The following ARHGAP12 variants were observed in gnomAD, a reference collection of about 807,000 sequenced individuals.
ARHGAP12 encodes Rho GTPase activating protein 12, also known as rho GTPase-activating protein 12.
ARHGAP12 carries 64 observed loss-of-function variants against 108.6 expected under a neutral mutation model. The ratio of observed to expected loss-of-function variants is 0.59; its 90% CI spans 0.48 to 0.73. The LOEUF is 0.73. ARHGAP12 is among the 30% of genes least tolerant of loss of function. The probability of loss-of-function intolerance (pLI) is 0.00; values close to 1 mark genes in which losing one functional copy is unlikely to be tolerated. For synonymous variants in ARHGAP12, 312 were observed against 337.2 expected (o/e 0.93, Z 0.82); for missense variants, 940 against 1,005.9 (o/e 0.93, Z 0.89).
chr10:31,822,620 G>GC (rs1835455690), intron 11 of ARHGAP12, among the ~76,000 whole-genome samples: 1 of 152,108 alleles, frequency 6.6e-6, no homozygotes, highest in Non-Finnish European at 1.5e-5. Flanking sequence ...ACTTGTGTTA[G>GC]CCATTGGGAG....
chr10:31,844,736 C>A (rs929484768), intron 6 of ARHGAP12, among the ~76,000 whole-genome samples: 4 of 147,064 alleles, frequency 2.7e-5, no homozygotes, highest in Non-Finnish European at 4.5e-5. Flanking sequence ...GTCTCCCTAA[C>A]CCCATTGATT....
intron 13 of ARHGAP12, among the ~76,000 whole-genome samples, chr10:31,815,095 T>G (rs1423740371): frequency 2.8e-5 from 4 of 140,504 alleles, no homozygotes; most frequent in Non-Finnish European, 6.1e-5. Flanking sequence ...CAGTCTAGCC[T>G]GGGTGAGAAA....
At chr10:31,829,291 C>A (rs984041062) in intron 10 of ARHGAP12, among the ~76,000 whole-genome samples, 1 of 152,014 alleles carries the variant, frequency 6.6e-6, no homozygotes, top group African/African-American at 2.4e-5. Flanking sequence ...CTAAGGTAGT[C>A]AAAATCACAG....
chr10:31,814,710 T>C (rs986483945), intron 13 of ARHGAP12, among the ~76,000 whole-genome samples: 27 of 152,166 alleles, frequency 1.8e-4, no homozygotes, highest in Admixed American at 1.6e-3. Context: ...ACAATAGAGC[T>C]ACATTCTCTG....
At chr10:31,842,511 C>T (rs909764434) in intron 7 of ARHGAP12, among the ~76,000 whole-genome samples, 1 of 152,060 alleles carries the variant, frequency 6.6e-6, no homozygotes, top group Non-Finnish European at 1.5e-5. Context: ...ATCTTATACA[C>T]ATGTATGAAG....
chr10:31,864,545 T>G (rs376897264), intron 3 of ARHGAP12, among the ~76,000 whole-genome samples: 1 of 152,166 alleles, frequency 6.6e-6, no homozygotes, highest in Non-Finnish European at 1.5e-5. Flanking sequence ...CACTGCCCAG[T>G]ACACAGGAGC....
At chr10:31,928,581 A>C (rs1373550769) in intron 1 of ARHGAP12, 102 bp downstream of exon 1, 1 of 149,904 alleles carries the variant, frequency 6.7e-6, no homozygotes. Flanking sequence ...CCTCCCCCCG[A>C]CTCCACCGCC....
intron 1 of ARHGAP12, among the ~76,000 whole-genome samples, chr10:31,911,549 T>C (rs1387615870): frequency 2.0e-5 from 3 of 152,278 alleles, no homozygotes; most frequent in African/African-American, 7.2e-5. Flanking sequence ...CCTGGGCTCA[T>C]GTGATCCACC....
rs1834828968 is a variant in ARHGAP12 at position 31,806,555 on chromosome 10, T to G, written c.*1103A>C. The G allele has an allele frequency of 6.6e-6, 1 of 152,610 alleles. No homozygotes were observed. Among genetic ancestry groups the G allele is most frequent in the Non-Finnish European group, 1.5e-5 (1 of 68,028 alleles). 9.5% of individuals were successfully genotyped at this position (152,610 alleles called of 1,614,324 possible). ...TATTCATACTGGAATTAGAATTCTG[T>G]AATAAATTTTTTCTAATGTTTTCTG... On this transcript the variant is annotated 3_prime_UTR_variant, in exon 20 of 20. Transcript: ENST00000344936.
At chr10:31,831,213 G>A (rs1835819948) in intron 10 of ARHGAP12, among the ~76,000 whole-genome samples, 1 of 152,178 alleles carries the variant, frequency 6.6e-6, no homozygotes. Context: ...ATACAACTAT[G>A]CAGTAGATTA....
rs773479942 is a variant in ARHGAP12 at position 31,908,677 on chromosome 10, T to A, written c.179A>T (p.Lys60Ile). 6.2e-7 allele frequency: 1 copy of A among 1,614,136 alleles called. No individual in the cohort carries two copies. The highest frequency in any genetic ancestry group is 2.2e-5 in the East Asian group (1 of 44,878). The change falls in exon 3 of 20, where the codon AAA becomes ATA. Residue 60 changes from lysine (K) to isoleucine (I), a missense_variant. Lys to Ile is a moderately radical substitution (Grantham distance 102). Transcript: ENST00000344936. ...ATACTGGGCTGGCACATAAAACGCTTTGGAGTTTTCATCTGGCTTGACTTG... is the reference window on the plus strand; with the variant it reads ...ATACTGGGCTGGCACATAAAACGCTATGGAGTTTTCATCTGGCTTGACTTG... ...WWQVKPDENS[K>I]AFYVPAQYVK...
chr10:31,914,651 G>A lies in ARHGAP12; in HGVS notation c.-110-4088C>T, dbSNP rs143981086. On this transcript the variant is annotated intron_variant, in intron 1 of 19. Coordinates refer to ENST00000344936, the MANE Select transcript of ARHGAP12 (RefSeq NM_018287.7). ...TCAAAAAGGCAAAATATAAGCTGGC[G>A]AGAATGTGGAGAAAGGGGAACCTTT... 1.8e-3 allele frequency among the ~76,000 whole-genome samples: 278 copies of A among 152,242 alleles called. 3 individuals carry two copies. The highest frequency in any genetic ancestry group is 5.9e-3 in the Admixed American group (91 of 15,300).
chr10:31,820,954 T>C (rs913079754), intron 11 of ARHGAP12, among the ~76,000 whole-genome samples: 3 of 152,128 alleles, frequency 2.0e-5, no homozygotes, highest in African/African-American at 7.2e-5. Context: ...TATCCTAGAC[T>C]ACACATGACT....
At chr10:31,919,724 G>A (rs777512717) in intron 1 of ARHGAP12, among the ~76,000 whole-genome samples, 2 of 151,616 alleles carry the variant, frequency 1.3e-5, no homozygotes, top group Non-Finnish European at 2.9e-5. Context: ...CAGGGAGGTG[G>A]AGCTTCCAGT....
chr10:31,867,121 T>G (rs527958879), intron 3 of ARHGAP12, among the ~76,000 whole-genome samples: 12 of 151,050 alleles, frequency 7.9e-5, no homozygotes, highest in African/African-American at 2.7e-4. Context: ...TTTTTTTGTT[T>G]TTTTTTTTTT....
intron 3 of ARHGAP12, among the ~76,000 whole-genome samples, chr10:31,897,469 C>T (rs1393229874): frequency 1.3e-5 from 2 of 151,562 alleles, no homozygotes; most frequent in South Asian, 2.1e-4. Flanking sequence ...CTGAGGGGCA[C>T]AGGGTGGGAG....
chr10:31,900,414 C>T (rs1477633800), intron 3 of ARHGAP12, among the ~76,000 whole-genome samples: 2 of 152,166 alleles, frequency 1.3e-5, no homozygotes, highest in Non-Finnish European at 2.9e-5. Flanking sequence ...ATGTTCATTG[C>T]AGTTTTATTA....
At position 31,807,518 on chromosome 10, in the gene ARHGAP12, C is replaced by T. The variant is rs1834859034; in HGVS notation, c.*140G>A. Reference sequence around the variant, plus strand: ...GGGCCTAACACACATCTCGACTCTCCCCTTCCCTTCTGATCCCTCAAAAAA... The same window carrying T: ...GGGCCTAACACACATCTCGACTCTCTCCTTCCCTTCTGATCCCTCAAAAAA... On this transcript the variant is annotated 3_prime_UTR_variant, in exon 20 of 20. Coordinates refer to ENST00000344936, the MANE Select transcript of ARHGAP12 (RefSeq NM_018287.7). 2 of 673,870 alleles carry T rather than the reference C, an allele frequency of 3.0e-6. No homozygotes were observed. Among genetic ancestry groups the T allele is most frequent in the Non-Finnish European group, 4.6e-6 (2 of 433,404 alleles). The allele number at this position is 673,870 out of a possible 1,614,324, so 41.7% of individuals were successfully genotyped here.
intron 14 of ARHGAP12, among the ~76,000 whole-genome samples, chr10:31,813,431 T>A (rs1414801685): frequency 6.6e-6 from 1 of 152,268 alleles, no homozygotes; most frequent in African/African-American, 2.4e-5. Context: ...TAACAAAAAT[T>A]CAAAAGGTAT....
Sources: allele counts gnomAD v4.1 joint callset (sites outside exome capture counted in the v4.1 genomes callset), GRCh38; gene constraint gnomAD v4.1.1; transcripts MANE v1.5; gene names NCBI Gene and HGNC (gene_info 2026-07-23, HGNC 2026-07-21).